The following KCTD8 variants were observed in gnomAD, a reference collection of about 807,000 sequenced individuals.
KCTD8 encodes the protein potassium channel tetramerization domain containing 8, also known as BTB/POZ domain-containing protein KCTD8.
KCTD8 carries 27 observed loss-of-function variants against 31.5 expected under a neutral mutation model. That is an observed-to-expected ratio of 0.86 (90% CI 0.63 to 1.18). The LOEUF (loss-of-function observed/expected upper bound fraction) is 1.18. KCTD8 is among the 50% of genes most tolerant of loss of function. The probability of loss-of-function intolerance (pLI) is 0.00; values close to 1 mark genes in which losing one functional copy is unlikely to be tolerated. For synonymous variants in KCTD8, 290 were observed against 280.0 expected, an observed-to-expected ratio of 1.04 and a Z score of -0.36; for missense variants, 658 against 647.7, an observed-to-expected ratio of 1.02 and a Z score of -0.17.
At chr4:44,184,961 A>G (rs759499932) in intron 1 of KCTD8, among the ~76,000 whole-genome samples, 46 of 152,256 alleles carry the variant, frequency 3.0e-4, no homozygotes, top group Non-Finnish European at 1.3e-4. Flanking sequence ...ATTAAACAAT[A>G]CTATAATAGT....
At chr4:44,181,941 C>T (rs551780314) in intron 1 of KCTD8, among the ~76,000 whole-genome samples, 136 of 142,622 alleles carry the variant, frequency 9.5e-4, no homozygotes, top group African/African-American at 3.3e-3. Context: ...ACCCGGCAGC[C>T]GCCCCCTCTG....
chr4:44,303,380 A>G (rs1165339601), intron 1 of KCTD8, among the ~76,000 whole-genome samples: 1 of 152,094 alleles, frequency 6.6e-6, no homozygotes, highest in Non-Finnish European at 1.5e-5. Context: ...GCTATTGATT[A>G]TTGCCACAAT....
At chr4:44,254,251 C>G (rs1174568691) in intron 1 of KCTD8, among the ~76,000 whole-genome samples, 1 of 151,784 alleles carries the variant, frequency 6.6e-6, no homozygotes, top group South Asian at 2.1e-4. Flanking sequence ...TAGGAATTAC[C>G]AGATTCAAAT....
At chr4:44,443,764 G>GAA (rs1553908659) in intron 1 of KCTD8, among the ~76,000 whole-genome samples, 1 of 151,614 alleles carries the variant, frequency 6.6e-6, no homozygotes, top group East Asian at 1.9e-4. Flanking sequence ...CACTGATTAT[G>GAA]AGAAAGAAAA....
At chr4:44,256,228 G>A (rs1715987228) in intron 1 of KCTD8, among the ~76,000 whole-genome samples, 1 of 151,920 alleles carries the variant, frequency 6.6e-6, no homozygotes, top group Non-Finnish European at 1.5e-5. Context: ...ATAAGATTTA[G>A]GTGGGGACGC....
intron 1 of KCTD8, chr4:44,293,568 G>A: frequency 2.7e-6 from 1 of 374,960 alleles, no homozygotes. Context: ...AAAAGGTCAG[G>A]GAAAAGCAAA....
chr4:44,300,458 T>C (rs547764576), intron 1 of KCTD8, among the ~76,000 whole-genome samples: 1 of 152,160 alleles, frequency 6.6e-6, no homozygotes, highest in East Asian at 1.9e-4. Flanking sequence ...AATAATCAGT[T>C]TTGCAATCTG....
chr4:44,419,846 A>G (rs1343879274), intron 1 of KCTD8, among the ~76,000 whole-genome samples: 2 of 152,230 alleles, frequency 1.3e-5, no homozygotes, highest in Middle Eastern at 6.8e-3. Flanking sequence ...AACTTAAAGT[A>G]TAATAAAAAT....
At chr4:44,209,518 A>T (rs552711293) in intron 1 of KCTD8, among the ~76,000 whole-genome samples, 23 of 149,202 alleles carry the variant, frequency 1.5e-4, no homozygotes, top group African/African-American at 3.7e-4. Flanking sequence ...ACACACTCTC[A>T]CACACACACA....
intron 1 of KCTD8, among the ~76,000 whole-genome samples, chr4:44,438,413 C>T (rs1357387889): frequency 6.6e-6 from 1 of 152,052 alleles, no homozygotes; most frequent in Non-Finnish European, 1.5e-5. Flanking sequence ...AACTAAAAGC[C>T]CTCATCAGAA....
chr4:44,213,546 G>C (rs1444282549), intron 1 of KCTD8, among the ~76,000 whole-genome samples: 2 of 152,072 alleles, frequency 1.3e-5, no homozygotes, highest in Non-Finnish European at 2.9e-5. Context: ...AGCATAATAT[G>C]AATTTTCCAA....
At chr4:44,375,998 A>G (rs1719906776) in intron 1 of KCTD8, among the ~76,000 whole-genome samples, 1 of 151,936 alleles carries the variant, frequency 6.6e-6, no homozygotes, top group Non-Finnish European at 1.5e-5. Context: ...CCTACCTCTA[A>G]GGGGAGTGAT....
chr4:44,373,204 T>C lies in KCTD8; in HGVS notation c.961+74359A>G, dbSNP rs192619720. Reference sequence around the variant, plus strand: ...ATGGTGAAACTGTCTCTACTAAAAATACAAAAATTAGCCAGGTGTGGTGGT... The same window carrying C: ...ATGGTGAAACTGTCTCTACTAAAAACACAAAAATTAGCCAGGTGTGGTGGT... On this transcript the variant is annotated intron_variant, in intron 1 of 1. Coordinates refer to ENST00000360029, the MANE Select transcript of KCTD8 (RefSeq NM_198353.3). Among the ~76,000 whole-genome samples, 5 of 151,996 alleles carry C rather than the reference T, an allele frequency of 3.3e-5. No homozygotes were observed. In the East Asian group the frequency reaches 9.7e-4, roughly 30 times the overall value.
chr4:44,276,565 T>A lies in KCTD8; in HGVS notation c.962-101315A>T, dbSNP rs531505096. ...TTCCAAATAAATAATAATGGCACAA[T>A]AATTATGAAAAGAAAGTAACCAATC... is the stretch of plus-strand genomic sequence containing the variant. On this transcript the variant is annotated intron_variant, in intron 1 of 1. Transcript: ENST00000360029. Among the ~76,000 whole-genome samples the A allele has an allele frequency of 2.0e-5, 3 of 151,966 alleles. No homozygotes were observed. In the South Asian group the frequency reaches 6.2e-4, roughly 31 times the overall value.
chr4:44,409,740 T>C (rs1263089443), intron 1 of KCTD8, among the ~76,000 whole-genome samples: 2 of 152,028 alleles, frequency 1.3e-5, no homozygotes, highest in African/African-American at 2.4e-5. Context: ...ATCTTTCCTA[T>C]TTTAAAAACA....
chr4:44,207,404 T>C (rs993109150), intron 1 of KCTD8, among the ~76,000 whole-genome samples: 1 of 152,188 alleles, frequency 6.6e-6, no homozygotes, highest in African/African-American at 2.4e-5. Flanking sequence ...CAACATATGA[T>C]AGAATTTTCA....
At chr4:44,262,657 T>C (rs1005674483) in intron 1 of KCTD8, among the ~76,000 whole-genome samples, 26 of 152,100 alleles carry the variant, frequency 1.7e-4, no homozygotes, top group Admixed American at 9.8e-4. Context: ...TTTGTTAATG[T>C]CTTAAGGGGA....
chr4:44,351,219 C>T (rs1329748452), intron 1 of KCTD8, among the ~76,000 whole-genome samples: 2 of 151,982 alleles, frequency 1.3e-5, no homozygotes, highest in Non-Finnish European at 2.9e-5. Context: ...TGAACTTTGT[C>T]TTACCATTTT....
At chr4:44,324,990 GT>G (rs1435946541) in intron 1 of KCTD8, among the ~76,000 whole-genome samples, 1 of 151,958 alleles carries the variant, frequency 6.6e-6, no homozygotes, top group Non-Finnish European at 1.5e-5. Flanking sequence ...GCACACCACT[GT>G]TTTAAAGATC....
Sources: gnomAD v4.1 joint callset for allele counts (sites outside exome capture counted in the v4.1 genomes callset) on GRCh38, gnomAD v4.1.1 for gene constraint, MANE v1.5 for transcripts, NCBI Gene and HGNC (gene_info 2026-07-23, HGNC 2026-07-21) for gene names.